The following HTR4 variants were observed in gnomAD, a reference collection of about 807,000 sequenced individuals.
HTR4 encodes 5-hydroxytryptamine receptor 4.
A neutral mutation model predicts 36.8 loss-of-function variants in HTR4; 16 were observed. The observed-to-expected ratio is 0.43, with a 90% CI of 0.29 to 0.66. HTR4 has a LOEUF of 0.66. Ranked by LOEUF, HTR4 falls within the 30% of genes least tolerant of loss-of-function variation. The probability of loss-of-function intolerance (pLI) is 0.13; values close to 1 mark genes in which losing one functional copy is unlikely to be tolerated. For missense variants in HTR4, 438 were observed against 490.9 expected, an observed-to-expected ratio of 0.89 and a Z score of 1.02; for synonymous variants, 189 against 185.1, an observed-to-expected ratio of 1.02 and a Z score of -0.17.
intron 6 of HTR4, among the ~76,000 whole-genome samples, chr5:148,484,717 T>C (rs1158224245): frequency 2.0e-5 from 3 of 152,208 alleles, no homozygotes; most frequent in Non-Finnish European, 4.4e-5. Context: ...ATATGCAAGA[T>C]TTCTTCCCTA....
At chr5:148,649,595 A>G (rs1939510996) in intron 1 of HTR4, among the ~76,000 whole-genome samples, 1 of 152,236 alleles carries the variant, frequency 6.6e-6, no homozygotes, top group Non-Finnish European at 1.5e-5. Context: ...AAATTAAGGT[A>G]GCAGTGGGGG....
intron 6 of HTR4, among the ~76,000 whole-genome samples, chr5:148,492,591 T>G (rs10440745): frequency 0.015 from 2,259 of 152,326 alleles, 59 homozygotes; most frequent in African/African-American, 0.051. Context: ...ATATGAATGA[T>G]GCTATGCAAA....
At chr5:148,557,816 T>G (rs1760023029) in intron 2 of HTR4, among the ~76,000 whole-genome samples, 1 of 149,510 alleles carries the variant, frequency 6.7e-6, no homozygotes, top group Non-Finnish European at 1.5e-5. Flanking sequence ...ATATATATTC[T>G]TGATACTTCC....
At chr5:148,536,367 T>A (rs1056572299) in intron 4 of HTR4, among the ~76,000 whole-genome samples, 1 of 151,362 alleles carries the variant, frequency 6.6e-6, no homozygotes, top group Non-Finnish European at 1.5e-5. Context: ...AATGACAGAA[T>A]CAAATCCACA....
intron 5 of HTR4, chr5:148,451,361 C>T (rs1754969718): frequency 6.3e-7 from 1 of 1,592,578 alleles, no homozygotes; most frequent in Non-Finnish European, 8.6e-7. Context: ...TCTTGACTTC[C>T]TTTCTTTGCA....
chr5:148,619,125 G>A (rs1752817393), intron 2 of HTR4, among the ~76,000 whole-genome samples: 1 of 152,188 alleles, frequency 6.6e-6, no homozygotes. Flanking sequence ...GGAATAAGGA[G>A]TTTTGATCTT....
chr5:148,460,219 A>G (rs1054610286), intron 5 of HTR4, among the ~76,000 whole-genome samples: 1 of 152,052 alleles, frequency 6.6e-6, no homozygotes, highest in African/African-American at 2.4e-5. Flanking sequence ...CAGAAGAAAT[A>G]TTTCATGGAG....
chr5:148,531,202 A>G (rs1758548179), intron 4 of HTR4, among the ~76,000 whole-genome samples: 1 of 152,078 alleles, frequency 6.6e-6, no homozygotes, highest in African/African-American at 2.4e-5. Context: ...AGGACGTGAG[A>G]TTTGGGAGAA....
chr5:148,641,164 T>G lies in HTR4; in HGVS notation c.-47-4103A>C, dbSNP rs949907543. Among the ~76,000 whole-genome samples, 2 of 152,232 alleles carry G rather than the reference T, an allele frequency of 1.3e-5. 1 individual carries two copies. The highest frequency in any genetic ancestry group is 1.3e-4 in the Admixed American group (2 of 15,286). ...GATGTGGAAGGAACCAGTGCTTTTA[T>G]CTTGAATACTTATATTTCTGGCTTC... On this transcript the variant is annotated intron_variant, in intron 1 of 6. Coordinates refer to ENST00000377888, the MANE Select transcript of HTR4 (RefSeq NM_000870.7).
intron 2 of HTR4, among the ~76,000 whole-genome samples, chr5:148,611,848 G>A (rs1385525859): frequency 6.6e-6 from 1 of 150,676 alleles, no homozygotes. Context: ...CCAAGCAAAT[G>A]GAAAACAAAA....
At chr5:148,516,057 A>G (rs905510130) in intron 5 of HTR4, among the ~76,000 whole-genome samples, 1 of 150,830 alleles carries the variant, frequency 6.6e-6, no homozygotes, top group Non-Finnish European at 1.5e-5. Context: ...ACATATATAT[A>G]CATATATATC....
At chr5:148,562,482 C>T (rs1014635465) in intron 2 of HTR4, among the ~76,000 whole-genome samples, 4 of 152,072 alleles carry the variant, frequency 2.6e-5, no homozygotes, top group Non-Finnish European at 5.9e-5. Flanking sequence ...TTTTTTTCTT[C>T]TCCTTTACCT....
intron 4 of HTR4, among the ~76,000 whole-genome samples, chr5:148,531,776 T>C (rs1046774903): frequency 1.1e-4 from 17 of 152,206 alleles, no homozygotes; most frequent in African/African-American, 3.9e-4. Context: ...TTTTTCTGCA[T>C]AGTGGTTCTA....
intron 6 of HTR4, among the ~76,000 whole-genome samples, chr5:148,508,056 T>C (rs1181633601): frequency 6.6e-6 from 1 of 152,160 alleles, no homozygotes; most frequent in Non-Finnish European, 1.5e-5. Flanking sequence ...CTGCCTACAC[T>C]TGTAGCAAAA....
downstream of HTR4, among the ~76,000 whole-genome samples, chr5:148,481,163 A>C (rs1755865515): frequency 6.6e-6 from 1 of 152,182 alleles, no homozygotes; most frequent in Admixed American, 6.5e-5. Flanking sequence ...TGGAGCCCAG[A>C]AGCTGGCTGC....
chr5:148,605,328 G>A (rs1356441160), intron 2 of HTR4, among the ~76,000 whole-genome samples: 9 of 138,222 alleles, frequency 6.5e-5, no homozygotes, highest in Non-Finnish European at 9.1e-5. Context: ...GCGTGATCTC[G>A]GCTCACTGCA....
At chr5:148,466,206 A>C (rs1024388185) in intron 5 of HTR4, among the ~76,000 whole-genome samples, 1 of 152,144 alleles carries the variant, frequency 6.6e-6, no homozygotes, top group Non-Finnish European at 1.5e-5. Context: ...TTACTACCTT[A>C]ATTTACCAAG....
intron 2 of HTR4, among the ~76,000 whole-genome samples, chr5:148,631,007 G>A (rs764929382): frequency 5.3e-5 from 8 of 152,112 alleles, no homozygotes; most frequent in South Asian, 2.1e-4. Flanking sequence ...ATAGGATCAC[G>A]TATATGTAGA....
chr5:148,544,562 G>A (rs1158871444), intron 4 of HTR4, among the ~76,000 whole-genome samples: 1 of 151,896 alleles, frequency 6.6e-6, no homozygotes, highest in African/African-American at 2.4e-5. Context: ...TACTTGGTTA[G>A]CTTTTATTCA....
Sources: allele counts gnomAD v4.1 joint callset (sites outside exome capture counted in the v4.1 genomes callset), GRCh38; gene constraint gnomAD v4.1.1; transcripts MANE v1.5; gene names NCBI Gene and HGNC (gene_info 2026-07-23, HGNC 2026-07-21).